Variants in TBC1D1 observed in about 807,000 individuals in gnomAD.
TBC1D1 encodes TBC1 (tre-2/USP6, BUB2, cdc16) domain family, member 1.
In TBC1D1, 89 loss-of-function variants were observed where a neutral mutation model predicts 125.6. That is an observed-to-expected ratio of 0.71 (90% CI 0.60 to 0.85). The LOEUF is 0.85. Among genes scored for constraint, TBC1D1 ranks in the 40% least tolerant of loss-of-function variants. The pLI is 0.00. For missense variants in TBC1D1, 1,377 were observed against 1,469.2 expected, an observed-to-expected ratio of 0.94 and a Z score of 1.03; for synonymous variants, 565 against 564.1, an observed-to-expected ratio of 1.00 and a Z score of -0.02.
chr4:37,982,895 G>A (rs988974048), intron 2 of TBC1D1, among the ~76,000 whole-genome samples: 4 of 152,134 alleles, frequency 2.6e-5, no homozygotes, highest in African/African-American at 9.7e-5. Flanking sequence ...AGAGAATAAC[G>A]GGAAGGGCAG....
intron 18 of TBC1D1, among the ~76,000 whole-genome samples, chr4:38,131,841 G>GCACACA (rs2152634944): frequency 6.6e-6 from 1 of 152,252 alleles, no homozygotes; most frequent in African/African-American, 2.4e-5. Flanking sequence ...TCGCACACAT[G>GCACACA]CACACACACC....
At chr4:37,953,626 C>T (rs189733751) in intron 2 of TBC1D1, among the ~76,000 whole-genome samples, 1 of 152,080 alleles carries the variant, frequency 6.6e-6, no homozygotes, top group Non-Finnish European at 1.5e-5. Flanking sequence ...TGGGAAAATG[C>T]AAATGGTTGA....
intron 2 of TBC1D1, among the ~76,000 whole-genome samples, chr4:38,012,365 C>T (rs1741696380): frequency 6.6e-6 from 1 of 152,114 alleles, no homozygotes; most frequent in Non-Finnish European, 1.5e-5. Context: ...ACTGCAGCCT[C>T]CATCTCCTGG....
chr4:37,959,671 C>A (rs1259514652), intron 2 of TBC1D1, among the ~76,000 whole-genome samples: 1 of 152,232 alleles, frequency 6.6e-6, no homozygotes, highest in Admixed American at 6.5e-5. Context: ...ATTGAAATGG[C>A]TCACTGCAAA....
At chr4:38,082,949 C>T (rs776016240) in intron 12 of TBC1D1, among the ~76,000 whole-genome samples, 11 of 152,112 alleles carry the variant, frequency 7.2e-5, no homozygotes, top group Non-Finnish European at 1.5e-4. Flanking sequence ...TAAAGATCTG[C>T]AGGCCTCTTG....
intron 2 of TBC1D1, among the ~76,000 whole-genome samples, chr4:37,941,509 G>C (rs187538709): frequency 2.0e-5 from 3 of 152,022 alleles, no homozygotes; most frequent in Non-Finnish European, 4.4e-5. Context: ...AGGGTTTTTT[G>C]TGTCTCTGTC....
intron 15 of TBC1D1, chr4:38,110,330 G>A (rs1037264516): frequency 2.0e-6 from 2 of 982,918 alleles, no homozygotes; most frequent in Non-Finnish European, 1.2e-6. Flanking sequence ...TGCTTATTGA[G>A]TTTCTGATGC....
chr4:37,989,778 A>G (rs907770325), intron 2 of TBC1D1, among the ~76,000 whole-genome samples: 2 of 152,204 alleles, frequency 1.3e-5, no homozygotes, highest in Non-Finnish European at 2.9e-5. Context: ...GACCTTGCCC[A>G]AGGTCACAAC....
intron 18 of TBC1D1, among the ~76,000 whole-genome samples, chr4:38,126,011 G>C (rs1438506772): frequency 6.6e-6 from 1 of 152,154 alleles, no homozygotes; most frequent in Non-Finnish European, 1.5e-5. Flanking sequence ...AATACGTTTT[G>C]AGAACTGCAT....
intron 1 of TBC1D1, among the ~76,000 whole-genome samples, chr4:37,900,608 A>G (rs1715752661): frequency 6.6e-6 from 1 of 152,052 alleles, no homozygotes; most frequent in African/African-American, 2.4e-5. Flanking sequence ...TCCATATGCT[A>G]GGGGAGTGGG....
At chr4:38,102,132 T>C (rs970707342) in intron 14 of TBC1D1, among the ~76,000 whole-genome samples, 3 of 149,082 alleles carry the variant, frequency 2.0e-5, no homozygotes, top group South Asian at 2.2e-4. Context: ...TTAGGAGATA[T>C]ACCTAATGTT....
chr4:38,094,256 C>T (rs961589670), intron 13 of TBC1D1, among the ~76,000 whole-genome samples: 9 of 152,168 alleles, frequency 5.9e-5, no homozygotes. Flanking sequence ...AGCCATAGCC[C>T]ACCCACCAGA....
intron 2 of TBC1D1, chr4:37,961,264 G>A: frequency 1.7e-6 from 1 of 593,910 alleles, no homozygotes; most frequent in South Asian, 2.2e-5. Flanking sequence ...ACAGGAAATA[G>A]CAAAGGATAA....
chr4:38,045,963 C>G (rs910875496), intron 10 of TBC1D1, 60 bp downstream of exon 10: 2 of 1,414,802 alleles, frequency 1.4e-6, no homozygotes, highest in East Asian at 2.3e-5. Flanking sequence ...TCTTGCTCAT[C>G]TCCTGTCTAC....
chr4:37,952,385 C>T (rs897835615), intron 2 of TBC1D1: 2 of 364,582 alleles, frequency 5.5e-6, no homozygotes, highest in Non-Finnish European at 5.2e-6. Flanking sequence ...ATCCAAGTGT[C>T]CATCAATGGT....
chr4:38,052,725 C>T (rs143542399), intron 11 of TBC1D1, among the ~76,000 whole-genome samples: 6,688 of 68,138 alleles, frequency 0.098, 87 homozygotes, highest in Middle Eastern at 0.16. Flanking sequence ...CGCGCGCGCG[C>T]GCGCACACAC....
chr4:38,065,684 C>G (rs1238261942), intron 12 of TBC1D1, among the ~76,000 whole-genome samples: 1 of 131,640 alleles, frequency 7.6e-6, no homozygotes, highest in Admixed American at 8.1e-5. Context: ...CTTGCTCTAT[C>G]CCCCAGGCTG....
intron 12 of TBC1D1, among the ~76,000 whole-genome samples, chr4:38,065,298 C>T (rs1039248925): frequency 1.2e-4 from 18 of 152,184 alleles, no homozygotes; most frequent in African/African-American, 3.1e-4. Flanking sequence ...CCCCAGAATC[C>T]CCTGGAGGAC....
chr4:37,948,059 G>T lies in TBC1D1; in HGVS notation c.417+45547G>T, dbSNP rs543028715. On this transcript the variant is annotated intron_variant, in intron 2 of 19. Coordinates refer to ENST00000261439, the MANE Select transcript of TBC1D1 (RefSeq NM_015173.4). ...CAAGAGGTTAAGTAACTTGCCCAAG[G>T]TCACCTAGTCAGCTGGTGGTGTGTC... Among the ~76,000 whole-genome samples the T allele has an allele frequency of 6.0e-4, 92 of 152,288 alleles. No homozygotes were observed. In the South Asian group the frequency reaches 0.015, roughly 25 times the overall value.
Sources: allele counts gnomAD v4.1 joint callset (sites outside exome capture counted in the v4.1 genomes callset), GRCh38; gene constraint gnomAD v4.1.1; transcripts MANE v1.5; gene names NCBI Gene and HGNC (gene_info 2026-07-23, HGNC 2026-07-21).